Variants in RAB7A observed in about 807,000 individuals in gnomAD.
The protein encoded by RAB7A is RAB7A, member RAS oncogene family.
In RAB7A, 2 loss-of-function variants were observed where a neutral mutation model predicts 24.5. That is an observed-to-expected ratio of 0.08 (90% CI 0.03 to 0.26). The LOEUF is 0.26. RAB7A is among the 10% of genes least tolerant of loss of function. RAB7A has a pLI of 1.00. For missense variants in RAB7A, 118 were observed against 255.7 expected (o/e 0.46, Z 3.67); for synonymous variants, 100 against 95.9 (o/e 1.04, Z -0.25).
chr3:128,759,350 G>A (rs1258393488), intron 1 of RAB7A, among the ~76,000 whole-genome samples: 2 of 152,168 alleles, frequency 1.3e-5, no homozygotes, highest in Non-Finnish European at 2.9e-5. Context: ...TCCTTTCCCC[G>A]ATTATCCCAG....
At chr3:128,756,039 C>G (rs2070726683) in intron 1 of RAB7A, among the ~76,000 whole-genome samples, 1 of 152,192 alleles carries the variant, frequency 6.6e-6, no homozygotes, top group African/African-American at 2.4e-5. Flanking sequence ...AGTTCTGTTT[C>G]TATAACATTA....
At chr3:128,747,933 A>G (rs968311156) in intron 1 of RAB7A, among the ~76,000 whole-genome samples, 2 of 151,514 alleles carry the variant, frequency 1.3e-5, no homozygotes, top group South Asian at 4.2e-4. Context: ...ACGCCCAGCT[A>G]ATTTTTGTAT....
chr3:128,807,439 C>G (rs150572084), intron 4 of RAB7A, 104 bp from the exon 5 acceptor site: 1 of 1,545,832 alleles, frequency 6.5e-7, no homozygotes, highest in African/African-American at 1.4e-5. Context: ...GTGTCCTCAC[C>G]TGTACTACCT....
intron 1 of RAB7A, among the ~76,000 whole-genome samples, chr3:128,739,705 CTG>C (rs2107585405): frequency 6.6e-6 from 1 of 152,192 alleles, no homozygotes; most frequent in East Asian, 1.9e-4. Flanking sequence ...TTTTTAATGA[CTG>C]TATAATATTG....
chr3:128,755,464 A>ATGCAG lies in RAB7A; in HGVS notation c.-9+29105_-9+29106insTGCAG, dbSNP rs1452365738. On this transcript the variant is annotated intron_variant, in intron 1 of 5. Coordinates refer to ENST00000265062, the MANE Select transcript of RAB7A (RefSeq NM_004637.6). The stretch of plus-strand genomic sequence containing the variant: ...ACACCTTAACAAAGTAGAAAACAAC[A>ATGCAG]AACTCAAAGCTAGCAGAAAGAAGGA... 2.6e-5 allele frequency among the ~76,000 whole-genome samples: 4 copies of ATGCAG among 152,202 alleles called. No individual in the cohort carries two copies. In the East Asian group the frequency reaches 5.8e-4, roughly 22 times the overall value.
intron 1 of RAB7A, among the ~76,000 whole-genome samples, chr3:128,750,860 G>A (rs974616383): frequency 2.0e-5 from 3 of 152,178 alleles, no homozygotes; most frequent in Non-Finnish European, 4.4e-5. Flanking sequence ...TTCATGGGCC[G>A]GGCCTAGGGT....
chr3:128,756,778 A>C (rs1434408641), intron 1 of RAB7A, among the ~76,000 whole-genome samples: 1 of 152,168 alleles, frequency 6.6e-6, no homozygotes, highest in Non-Finnish European at 1.5e-5. Flanking sequence ...CACCAATGAA[A>C]ACAGTGTGGT....
intron 1 of RAB7A, among the ~76,000 whole-genome samples, chr3:128,789,150 A>G (rs1340783650): frequency 2.6e-5 from 4 of 152,190 alleles, no homozygotes; most frequent in Non-Finnish European, 4.4e-5. Context: ...GAGGATATTA[A>G]TATATACATG....
intron 1 of RAB7A, among the ~76,000 whole-genome samples, chr3:128,790,119 C>T (rs1284235840): frequency 6.6e-6 from 1 of 152,132 alleles, no homozygotes; most frequent in African/African-American, 2.4e-5. Flanking sequence ...AAACAAGTGT[C>T]CCATTCTTGA....
intron 1 of RAB7A, among the ~76,000 whole-genome samples, chr3:128,744,916 C>T (rs545010331): frequency 2.0e-5 from 3 of 150,766 alleles, no homozygotes; most frequent in African/African-American, 7.3e-5. Context: ...CTCTGTTGCC[C>T]AGGCTGGAGT....
At chr3:128,732,617 C>A (rs1243579515) in intron 1 of RAB7A, among the ~76,000 whole-genome samples, 1 of 151,952 alleles carries the variant, frequency 6.6e-6, no homozygotes, top group Non-Finnish European at 1.5e-5. Flanking sequence ...TTGCTTGAGC[C>A]CAGGAGTTCA....
chr3:128,756,562 T>A (rs995048238), intron 1 of RAB7A, among the ~76,000 whole-genome samples: 1 of 152,174 alleles, frequency 6.6e-6, no homozygotes, highest in Non-Finnish European at 1.5e-5. Context: ...AAACTTACTA[T>A]TGTTAGGATC....
chr3:128,757,880 A>G (rs568044116), intron 1 of RAB7A, among the ~76,000 whole-genome samples: 30 of 152,334 alleles, frequency 2.0e-4, no homozygotes, highest in African/African-American at 7.2e-4. Context: ...GCTGGTCTCC[A>G]ACTCCTGGGC....
chr3:128,790,981 T>G (rs748623605), intron 1 of RAB7A, among the ~76,000 whole-genome samples: 1 of 152,186 alleles, frequency 6.6e-6, no homozygotes, highest in Non-Finnish European at 1.5e-5. Flanking sequence ...ACATTAAGGC[T>G]CCCATAGACT....
At chr3:128,761,112 A>G (rs138352902) in intron 1 of RAB7A, among the ~76,000 whole-genome samples, 1,817 of 152,282 alleles carry the variant, frequency 0.012, 33 homozygotes, top group African/African-American at 0.039. Flanking sequence ...GCTGTTCTTG[A>G]GGTTTCTCAG....
chr3:128,798,820 TTAAAAAAA>T (rs1422330076), intron 3 of RAB7A: 3 of 167,884 alleles, frequency 1.8e-5, no homozygotes, highest in East Asian at 1.9e-4. Flanking sequence ...GTCTCTAAAT[TTAAAAAAA>T]AAAAAAAAAA....
chr3:128,760,530 A>C (rs554781546), intron 1 of RAB7A, among the ~76,000 whole-genome samples: 4 of 152,274 alleles, frequency 2.6e-5, no homozygotes, highest in South Asian at 4.1e-4. Context: ...CACTTCCTAC[A>C]ATGTAGAGTG....
intron 1 of RAB7A, among the ~76,000 whole-genome samples, chr3:128,760,797 G>A (rs1221166370): frequency 6.6e-6 from 1 of 152,136 alleles, no homozygotes; most frequent in African/African-American, 2.4e-5. Flanking sequence ...TTTTGTGGTC[G>A]AATCCTCTTT....
intron 3 of RAB7A, among the ~76,000 whole-genome samples, chr3:128,802,359 T>C (rs1172737310): frequency 6.6e-6 from 1 of 152,164 alleles, no homozygotes; most frequent in African/African-American, 2.4e-5. Context: ...GAACAGTTTA[T>C]TGTGAGTTTG....
Sources: allele counts gnomAD v4.1 joint callset (sites outside exome capture counted in the v4.1 genomes callset), GRCh38; gene constraint gnomAD v4.1.1; transcripts MANE v1.5; gene names NCBI Gene and HGNC (gene_info 2026-07-23, HGNC 2026-07-21).